Variants in KIAA0319 observed in about 807,000 individuals in gnomAD.
The protein encoded by KIAA0319 is dyslexia-associated protein KIAA0319.
Under a neutral mutation model 108.4 loss-of-function variants are expected in KIAA0319, and 83 were observed. The observed-to-expected ratio is 0.77, with a 90% CI of 0.64 to 0.92. The LOEUF is 0.92. KIAA0319 is among the 40% of genes least tolerant of loss of function. The probability of loss-of-function intolerance (pLI) is 0.00; values close to 1 mark genes in which losing one functional copy is unlikely to be tolerated. For missense variants in KIAA0319, 1,195 were observed against 1,322.4 expected (o/e 0.90, Z 1.49); for synonymous variants, 484 against 510.4 (o/e 0.95, Z 0.70).
At chr6:24,594,546 G>C (rs1289231694) in intron 3 of KIAA0319, among the ~76,000 whole-genome samples, 4 of 150,726 alleles carry the variant, frequency 2.7e-5, no homozygotes, top group African/African-American at 9.8e-5. Flanking sequence ...AGAATCGCTT[G>C]AACCCAGGAG....
intron 19 of KIAA0319, among the ~76,000 whole-genome samples, chr6:24,552,786 G>C (rs1032474902): frequency 6.6e-6 from 1 of 152,166 alleles, no homozygotes; most frequent in Non-Finnish European, 1.5e-5. Flanking sequence ...TGTATTTTCA[G>C]TAGAGGTGGG....
intron 19 of KIAA0319, among the ~76,000 whole-genome samples, chr6:24,552,887 G>A (rs1322057244): frequency 6.6e-6 from 1 of 152,168 alleles, no homozygotes; most frequent in African/African-American, 2.4e-5. Context: ...TTACAGGCAT[G>A]AGCCACCTAG....
chr6:24,622,140 C>T (rs190393113), intron 1 of KIAA0319, among the ~76,000 whole-genome samples: 65 of 152,144 alleles, frequency 4.3e-4, no homozygotes, highest in African/African-American at 1.5e-3. Context: ...CTCACCCGTA[C>T]ACCCCAGAGG....
downstream of KIAA0319, among the ~76,000 whole-genome samples, chr6:24,540,398 AT>A (rs1257336243): frequency 6.6e-6 from 1 of 152,198 alleles, no homozygotes; most frequent in Non-Finnish European, 1.5e-5. Flanking sequence ...TCATGGGTCC[AT>A]AAATCATATA....
intron 4 of KIAA0319, among the ~76,000 whole-genome samples, chr6:24,584,449 A>T (rs1767137174): frequency 6.6e-6 from 1 of 151,134 alleles, no homozygotes; most frequent in Non-Finnish European, 1.5e-5. Context: ...AAAAAAAAAA[A>T]AAAAAAGCTG....
chr6:24,588,939 C>G (rs188934351), intron 3 of KIAA0319, among the ~76,000 whole-genome samples, 154 bp from the exon 4 acceptor site: 24 of 152,264 alleles, frequency 1.6e-4, no homozygotes, highest in Admixed American at 1.4e-3. Flanking sequence ...TCTAGACCAT[C>G]TCTCTCAAGT....
intron 1 of KIAA0319, among the ~76,000 whole-genome samples, chr6:24,630,648 A>T (rs749849955): frequency 6.7e-6 from 1 of 148,540 alleles, no homozygotes; most frequent in African/African-American, 2.5e-5. Context: ...CTTCTTTTAG[A>T]TTCTCGTTCC....
chr6:24,636,073 A>T (rs1582356047), intron 1 of KIAA0319, among the ~76,000 whole-genome samples: 1 of 152,302 alleles, frequency 6.6e-6, no homozygotes, highest in East Asian at 1.9e-4. Context: ...ATGCCTCTTT[A>T]TGGGGACTTT....
intron 1 of KIAA0319, among the ~76,000 whole-genome samples, chr6:24,640,346 C>T (rs1269445685): frequency 6.6e-6 from 1 of 152,080 alleles, no homozygotes; most frequent in Non-Finnish European, 1.5e-5. Flanking sequence ...AAGCTCTATC[C>T]TTAGAAATTA....
intron 1 of KIAA0319, among the ~76,000 whole-genome samples, chr6:24,644,160 C>T (rs1777312490): frequency 6.6e-6 from 1 of 152,188 alleles, no homozygotes; most frequent in Non-Finnish European, 1.5e-5. Context: ...CAAAGCTGTG[C>T]ATATGTCTAC....
intron 7 of KIAA0319, among the ~76,000 whole-genome samples, chr6:24,580,261 G>C (rs113807554): frequency 2.6e-5 from 4 of 152,236 alleles, no homozygotes; most frequent in African/African-American, 9.6e-5. Flanking sequence ...AGGGATTACA[G>C]TTCCAGCTCC....
In KIAA0319 at chr6:24,618,283, C is replaced by A. The variant is rs6456621; in HGVS notation, c.-105-17075G>T. Among the ~76,000 whole-genome samples, 22 of 151,942 alleles carry A rather than the reference C, an allele frequency of 1.4e-4. No individual in the cohort carries two copies. The East Asian group carries it at 4.1e-3, about 28-fold the overall frequency. ...CTTCTGGAAGAAGTTTTCTCAACCC[C>A]AGAGAGAACCTAGACAAACCAGAAC... On this transcript the variant is annotated intron_variant, in intron 1 of 20. Coordinates refer to ENST00000378214, the MANE Select transcript of KIAA0319 (RefSeq NM_014809.4).
chr6:24,550,198 T>C (rs560672882), intron 20 of KIAA0319, among the ~76,000 whole-genome samples: 18 of 152,300 alleles, frequency 1.2e-4, no homozygotes, highest in African/African-American at 3.9e-4. Flanking sequence ...GCATCGTCCA[T>C]GCACTGATAG....
At chr6:24,573,774 T>A (rs1765068278) in intron 10 of KIAA0319, among the ~76,000 whole-genome samples, 3 of 152,292 alleles carry the variant, frequency 2.0e-5, no homozygotes, top group Non-Finnish European at 4.4e-5. Context: ...TTTTTATTAT[T>A]ATTTTTTTTA....
At position 24,601,281 on chromosome 6, in the gene KIAA0319, A is replaced by G. The variant is rs139021474; in HGVS notation, c.-105-73T>C. 7 of 1,419,010 alleles carry G rather than the reference A, an allele frequency of 4.9e-6. No individual in the cohort carries two copies. The African/African-American group carries it at 5.8e-5, about 12-fold the overall frequency. 87.9% of individuals were successfully genotyped at this position (1,419,010 alleles called of 1,614,324 possible). ...TGTAGAAACATCCAAAATTATTTCTATCATTCATTCATGTCAGTGGGAAGC... is the reference window on the plus strand; with the variant it reads ...TGTAGAAACATCCAAAATTATTTCTGTCATTCATTCATGTCAGTGGGAAGC... On this transcript the variant is annotated intron_variant, in intron 1 of 20. Coordinates refer to ENST00000378214, the MANE Select transcript of KIAA0319 (RefSeq NM_014809.4).
chr6:24,558,849 T>C (rs1006449364), intron 17 of KIAA0319, among the ~76,000 whole-genome samples, 164 bp downstream of exon 17: 1 of 152,254 alleles, frequency 6.6e-6, no homozygotes, highest in African/African-American at 2.4e-5. Flanking sequence ...CCAAGAGTAG[T>C]TGGCAAATGC....
Position 24,583,273 on chromosome 6 carries a change from G to A in KIAA0319, c.1093+331C>T, listed in dbSNP as rs1237661868. 1.2e-5 allele frequency: 12 copies of A among 1,008,282 alleles called. No individual in the cohort carries two copies. In the South Asian group the frequency reaches 4.9e-4, roughly 41 times the overall value. 62.5% of individuals were successfully genotyped at this position (1,008,282 alleles called of 1,614,324 possible). ...ACGCCACTTCCCTCTCATCCCGGTG[G>A]AATCTTCCCAGGTTCTATGGGTTAT... On this transcript the variant is annotated intron_variant, in intron 5 of 20. Transcript: ENST00000378214.
intron 2 of KIAA0319, chr6:24,600,492 A>G (rs1458848565): frequency 3.1e-6 from 2 of 651,174 alleles, no homozygotes; most frequent in Non-Finnish European, 5.6e-6. Context: ...GGAGTGTGGC[A>G]TGAGAAACTG....
chr6:24,624,406 T>A (rs1323135142), intron 1 of KIAA0319, among the ~76,000 whole-genome samples: 3 of 151,994 alleles, frequency 2.0e-5, no homozygotes, highest in Non-Finnish European at 4.4e-5. Context: ...TTTTGAACAT[T>A]TGAAAACTCA....
Sources: allele counts gnomAD v4.1 joint callset (sites outside exome capture counted in the v4.1 genomes callset), GRCh38; gene constraint gnomAD v4.1.1; transcripts MANE v1.5; gene names NCBI Gene and HGNC (gene_info 2026-07-23, HGNC 2026-07-21).